The following ZSCAN25 variants were observed in gnomAD, a reference collection of about 807,000 sequenced individuals.
ZSCAN25 encodes zinc finger and SCAN domain-containing protein 25.
ZSCAN25 carries 27 observed loss-of-function variants against 38.7 expected under a neutral mutation model. The ratio of observed to expected loss-of-function variants is 0.70; its 90% CI spans 0.51 to 0.96. The LOEUF (loss-of-function observed/expected upper bound fraction) is 0.96, where lower values mean the gene tolerates loss of function less well. ZSCAN25 is among the 40% of genes least tolerant of loss of function. ZSCAN25 has a pLI of 0.00. For missense variants in ZSCAN25, 637 were observed against 705.9 expected (o/e 0.90, Z 1.11); for synonymous variants, 273 against 277.7 (o/e 0.98, Z 0.17).
At chr7:99,663,263 A>C in the ZSCAN25 span, 1 of 1,019,440 alleles carries the variant, frequency 9.8e-7, no homozygotes, top group African/African-American at 1.7e-5. Context: ...CAGTGTCCGT[A>C]TAGATTAATC....
At chr7:99,708,338 T>G in the ZSCAN25 span, among the ~76,000 whole-genome samples, 1 of 152,188 alleles carries the variant, frequency 6.6e-6, no homozygotes, top group Non-Finnish European at 1.5e-5. Flanking sequence ...AAGTCACCCT[T>G]ATGTTGGTCA....
the ZSCAN25 span, among the ~76,000 whole-genome samples, chr7:99,661,054 A>G: frequency 6.6e-6 from 1 of 152,238 alleles, no homozygotes; most frequent in Non-Finnish European, 1.5e-5. Flanking sequence ...TTGATTTTCT[A>G]CAATAGAGCT....
At chr7:99,664,954 G>A in the ZSCAN25 span, among the ~76,000 whole-genome samples, 1 of 152,160 alleles carries the variant, frequency 6.6e-6, no homozygotes. Flanking sequence ...GGGCAGTGGG[G>A]TTTGTGGTGG....
At chr7:99,638,446 T>G in the ZSCAN25 span, 1 of 1,561,180 alleles carries the variant, frequency 6.4e-7, no homozygotes. Flanking sequence ...TCCCGGTCAT[T>G]GATAATGTGG....
At chr7:99,685,423 A>G in the ZSCAN25 span, among the ~76,000 whole-genome samples, 1 of 152,250 alleles carries the variant, frequency 6.6e-6, no homozygotes, top group Non-Finnish European at 1.5e-5. Context: ...AGGATTTCAT[A>G]TCAGTTTTGA....
chr7:99,661,021 G>T, the ZSCAN25 span, among the ~76,000 whole-genome samples: 1 of 152,140 alleles, frequency 6.6e-6, no homozygotes, highest in Non-Finnish European at 1.5e-5. Flanking sequence ...TAAATATGGG[G>T]TAGGCTTTTT....
chr7:99,677,561 TC>T, the ZSCAN25 span, among the ~76,000 whole-genome samples: 2 of 152,184 alleles, frequency 1.3e-5, no homozygotes, highest in African/African-American at 4.8e-5. Context: ...CAGTATAGGT[TC>T]CAAACATTTT....
At chr7:99,687,862 A>G in the ZSCAN25 span, among the ~76,000 whole-genome samples, 1 of 152,248 alleles carries the variant, frequency 6.6e-6, no homozygotes. Context: ...GTGGGGACCA[A>G]TATTCAACAT....
chr7:99,676,236 C>A, the ZSCAN25 span: 1 of 1,612,612 alleles, frequency 6.2e-7, no homozygotes, highest in South Asian at 1.1e-5. Flanking sequence ...AATCAGGTCA[C>A]AGGGATTGTG....
intron 7 of ZSCAN25, 130 bp downstream of exon 7, chr7:99,624,310 A>G: frequency 7.8e-6 from 9 of 1,159,982 alleles, no homozygotes; most frequent in Non-Finnish European, 9.9e-6. Context: ...TGGGTCCAGC[A>G]CGGACCATGG....
In ZSCAN25 at chr7:99,624,325, C is replaced by T. The variant is rs1278786464; in HGVS notation, c.805+145C>T. The T allele has an allele frequency of 2.0e-5, 18 of 893,840 alleles. 1 individual carries two copies. Among genetic ancestry groups the T allele is most frequent in the South Asian group, 1.1e-4 (7 of 61,570 alleles). The allele number at this position is 893,840 out of a possible 1,614,324, so 55.4% of individuals were successfully genotyped here. On this transcript the variant is annotated intron_variant, in intron 7 of 7. Coordinates refer to ENST00000394152, the MANE Select transcript of ZSCAN25 (RefSeq NM_145115.3). ...TGGGTCCAGCACGGACCATGGGGCACGAGGAGCTGCTTTCCTGTGTCAATA... is the reference window on the plus strand; with the variant it reads ...TGGGTCCAGCACGGACCATGGGGCATGAGGAGCTGCTTTCCTGTGTCAATA...
chr7:99,656,114 A>G, the ZSCAN25 span, among the ~76,000 whole-genome samples: 1 of 152,122 alleles, frequency 6.6e-6, no homozygotes, highest in Non-Finnish European at 1.5e-5. Flanking sequence ...TTCCAACACT[A>G]TGTTGAATAG....
chr7:99,654,084 A>G, the ZSCAN25 span, among the ~76,000 whole-genome samples: 38,816 of 150,680 alleles, frequency 0.26, 9,335 homozygotes, highest in African/African-American at 0.64. Context: ...GAGGTTTTTG[A>G]ATTTTTTTTT....
At chr7:99,728,659 T>A in the ZSCAN25 span, among the ~76,000 whole-genome samples, 111 of 152,322 alleles carry the variant, frequency 7.3e-4, 2 homozygotes, top group Admixed American at 7.0e-3. Context: ...ATTCCCAAAT[T>A]GAAAAAATTC....
the ZSCAN25 span, among the ~76,000 whole-genome samples, chr7:99,649,736 G>C: frequency 2.0e-5 from 3 of 152,208 alleles, no homozygotes; most frequent in African/African-American, 7.2e-5. Flanking sequence ...TGGTGATGGA[G>C]AACACCATTT....
the ZSCAN25 span, among the ~76,000 whole-genome samples, chr7:99,709,526 G>C: frequency 6.6e-6 from 1 of 152,200 alleles, no homozygotes; most frequent in Non-Finnish European, 1.5e-5. Context: ...TAACCATGTA[G>C]TGGTTTTTCT....
chr7:99,681,445 T>G, the ZSCAN25 span, among the ~76,000 whole-genome samples: 1 of 152,240 alleles, frequency 6.6e-6, no homozygotes, highest in Non-Finnish European at 1.5e-5. Flanking sequence ...AAGGGTTCCC[T>G]TTTCTCCACA....
intron 4 of ZSCAN25, 25 bp downstream of exon 4, chr7:99,620,018 T>A: frequency 6.3e-7 from 1 of 1,585,240 alleles, no homozygotes. Context: ...GATCCAGGTC[T>A]GGCGCCCTTG....
the ZSCAN25 span, among the ~76,000 whole-genome samples, chr7:99,704,635 G>T: frequency 1.3e-5 from 2 of 151,704 alleles, no homozygotes; most frequent in Admixed American, 1.3e-4. Flanking sequence ...TAAACAATGG[G>T]CAAAGTCATA....
Sources: allele counts gnomAD v4.1 joint callset (sites outside exome capture counted in the v4.1 genomes callset), GRCh38; gene constraint gnomAD v4.1.1; transcripts MANE v1.5; gene names NCBI Gene and HGNC (gene_info 2026-07-23, HGNC 2026-07-21).